The following RTN1 variants were observed in gnomAD, a reference collection of about 807,000 sequenced individuals.
RTN1 encodes reticulon-1.
Under a neutral mutation model 65.5 loss-of-function variants are expected in RTN1, and 25 were observed. The ratio of observed to expected loss-of-function variants is 0.38; its 90% CI spans 0.28 to 0.53. The LOEUF (loss-of-function observed/expected upper bound fraction) is 0.53. RTN1 is among the 20% of genes least tolerant of loss of function. The pLI is 0.79. For missense variants in RTN1, 983 were observed against 1,025.4 expected (o/e 0.96, Z 0.57); for synonymous variants, 471 against 447.6 (o/e 1.05, Z -0.66).
chr14:59,660,529 TAACA>T (rs765621043), intron 3 of RTN1, among the ~76,000 whole-genome samples: 7 of 152,110 alleles, frequency 4.6e-5, no homozygotes, highest in East Asian at 1.9e-4. Flanking sequence ...ACAGAAATCA[TAACA>T]AACAGTCTCT....
intron 2 of RTN1, among the ~76,000 whole-genome samples, chr14:59,741,985 G>A (rs1011898263): frequency 1.4e-4 from 21 of 151,972 alleles, no homozygotes; most frequent in African/African-American, 4.8e-4. Context: ...GTTTTTTATT[G>A]CCTGTTTCCT....
intron 3 of RTN1, among the ~76,000 whole-genome samples, chr14:59,658,696 A>T (rs1178820406): frequency 6.6e-6 from 1 of 152,192 alleles, no homozygotes; most frequent in Admixed American, 6.5e-5. Flanking sequence ...ACATCAACAA[A>T]AAGGACGTCC....
intron 3 of RTN1, among the ~76,000 whole-genome samples, chr14:59,635,144 G>C (rs1231223572): frequency 6.6e-6 from 1 of 152,116 alleles, no homozygotes; most frequent in Non-Finnish European, 1.5e-5. Context: ...CGCAGACAAG[G>C]AGAAAATCTT....
chr14:59,713,900 G>A (rs941316201), intron 3 of RTN1, among the ~76,000 whole-genome samples: 1 of 152,146 alleles, frequency 6.6e-6, no homozygotes, highest in Non-Finnish European at 1.5e-5. Context: ...AAGGGGAAAG[G>A]AACAGAGAAG....
intron 1 of RTN1, among the ~76,000 whole-genome samples, chr14:59,763,920 C>CA (rs1032720821): frequency 6.6e-6 from 1 of 151,964 alleles, no homozygotes; most frequent in Non-Finnish European, 1.5e-5. Context: ...AGGTGATGAC[C>CA]AAAAAAATAC....
chr14:59,735,530 G>A (rs953437416), intron 2 of RTN1, among the ~76,000 whole-genome samples: 1 of 152,116 alleles, frequency 6.6e-6, no homozygotes, highest in African/African-American at 2.4e-5. Context: ...TCAAAATAAA[G>A]GGATGCAGGA....
chr14:59,837,997 T>C (rs991407994), intron 1 of RTN1, among the ~76,000 whole-genome samples: 15 of 152,238 alleles, frequency 9.9e-5, no homozygotes, highest in African/African-American at 3.6e-4. Flanking sequence ...GTTTGTTACA[T>C]GGGTATAATG....
In RTN1 at chr14:59,868,936, G is replaced by C. The variant is rs1182881441; in HGVS notation, c.241+1454C>G. 6.6e-6 allele frequency among the ~76,000 whole-genome samples: 1 copy of C among 152,148 alleles called. No individual in the cohort carries two copies. Among genetic ancestry groups the C allele is most frequent in the African/African-American group, 2.4e-5 (1 of 41,426 alleles). On this transcript the variant is annotated intron_variant, in intron 1 of 8. Coordinates refer to ENST00000267484, the MANE Select transcript of RTN1 (RefSeq NM_021136.3). This position sits in a 1 kb window ranked among gnomAD's most constrained non-coding sequence, Gnocchi z 4.0. ...AGAGTTTTGTTTTCACTTGGATGCA[G>C]AAGTTGAAAGAGAGACTGAGCAGCC...
chr14:59,817,060 TA>T (rs999394050), intron 1 of RTN1, among the ~76,000 whole-genome samples: 1 of 151,870 alleles, frequency 6.6e-6, no homozygotes, highest in Admixed American at 6.6e-5. Flanking sequence ...GAGGGAATCT[TA>T]AAAAACACTT....
At chr14:59,758,073 G>A (rs1289194915) in intron 1 of RTN1, among the ~76,000 whole-genome samples, 3 of 151,888 alleles carry the variant, frequency 2.0e-5, no homozygotes, top group Non-Finnish European at 4.4e-5. Flanking sequence ...AGTAACCACC[G>A]ATCCTTTTAC....
At chr14:59,770,815 G>T (rs1885941914) in intron 1 of RTN1, among the ~76,000 whole-genome samples, 2 of 152,158 alleles carry the variant, frequency 1.3e-5, no homozygotes, top group Non-Finnish European at 1.5e-5. Context: ...AGCACTTTGG[G>T]AGGCCGAGGC....
chr14:59,623,547 C>A (rs1882312773), intron 3 of RTN1, among the ~76,000 whole-genome samples: 1 of 152,166 alleles, frequency 6.6e-6, no homozygotes, highest in African/African-American at 2.4e-5. Flanking sequence ...ATAGTTGAGG[C>A]ATGAAGAAAT....
intron 3 of RTN1, among the ~76,000 whole-genome samples, chr14:59,643,749 A>G (rs1357633197): frequency 6.6e-6 from 1 of 152,218 alleles, no homozygotes; most frequent in Non-Finnish European, 1.5e-5. Flanking sequence ...AAGTTACTAA[A>G]AACAAACAAA....
intron 1 of RTN1, among the ~76,000 whole-genome samples, chr14:59,779,969 T>C (rs569814410): frequency 2.8e-4 from 43 of 152,162 alleles, no homozygotes; most frequent in Non-Finnish European, 5.6e-4. Context: ...TCATCGAGTT[T>C]CCCTTGCTAC....
chr14:59,652,101 G>C (rs1270934985), intron 3 of RTN1, among the ~76,000 whole-genome samples: 1 of 152,108 alleles, frequency 6.6e-6, no homozygotes, highest in East Asian at 1.9e-4. Flanking sequence ...CTGATCACTA[G>C]AGAAATACAA....
intron 3 of RTN1, among the ~76,000 whole-genome samples, chr14:59,626,206 G>A (rs774595298): frequency 1.5e-4 from 23 of 152,084 alleles, no homozygotes; most frequent in Non-Finnish European, 2.6e-4. Flanking sequence ...ATTCTGGAAT[G>A]CTTAGCTCTT....
intron 1 of RTN1, among the ~76,000 whole-genome samples, chr14:59,760,509 C>T (rs946862504): frequency 1.1e-4 from 16 of 152,086 alleles, no homozygotes; most frequent in African/African-American, 3.4e-4. Context: ...ACTTTAATTT[C>T]ATTTAAAAAC....
chr14:59,781,024 T>C (rs911197029), intron 1 of RTN1, among the ~76,000 whole-genome samples: 1 of 152,186 alleles, frequency 6.6e-6, no homozygotes, highest in African/African-American at 2.4e-5. Flanking sequence ...TAATAACATG[T>C]AATAATTATA....
chr14:59,852,503 T>G (rs996825991), intron 1 of RTN1, among the ~76,000 whole-genome samples: 1 of 152,208 alleles, frequency 6.6e-6, no homozygotes, highest in African/African-American at 2.4e-5. Flanking sequence ...CCTAATCTAC[T>G]TAAAATACCA....
Sources: gnomAD v4.1 joint callset for allele counts (sites outside exome capture counted in the v4.1 genomes callset) on GRCh38, gnomAD v4.1.1 for gene constraint, Gnocchi (gnomAD v3.1) non-coding constraint, MANE v1.5 for transcripts, NCBI Gene and HGNC (gene_info 2026-07-23, HGNC 2026-07-21) for gene names.